The following RWDD1 variants were observed in gnomAD, a reference collection of about 807,000 sequenced individuals.
RWDD1 encodes RWD domain-containing protein 1.
In RWDD1, 17 loss-of-function variants were observed where a neutral mutation model predicts 31.6. That is an observed-to-expected ratio of 0.54 (90% CI 0.37 to 0.81). The LOEUF is 0.81. Among genes scored for constraint, RWDD1 ranks in the 30% least tolerant of loss-of-function variants. RWDD1 has a pLI of 0.00. For synonymous variants in RWDD1, 78 were observed against 94.2 expected (o/e 0.83, Z 0.99); for missense variants, 204 against 274.5 (o/e 0.74, Z 1.82).
In RWDD1 at chr6:116,595,818, T is replaced by C. The variant is rs1482992662; in HGVS notation, c.*2717T>C. ...TGTTCCTTGATCCTGCTTTACTTCA[T>C]GCACTTTTGCCAGCAGAGGTGGATG... is the stretch of plus-strand genomic sequence containing the variant. On this transcript the variant is annotated 3_prime_UTR_variant, in exon 7 of 7. Coordinates refer to ENST00000466444, the MANE Select transcript of RWDD1 (RefSeq NM_015952.4). The C allele has an allele frequency of 2.0e-5, 3 of 152,204 alleles. No homozygotes were observed. The highest frequency in any genetic ancestry group is 4.4e-5 in the Non-Finnish European group (3 of 68,024). 9.4% of individuals were successfully genotyped at this position (152,204 alleles called of 1,614,324 possible).
At chr6:116,587,657 ACT>A (rs1247948749) in intron 3 of RWDD1, among the ~76,000 whole-genome samples, 12 of 146,344 alleles carry the variant, frequency 8.2e-5, no homozygotes, top group Middle Eastern at 3.5e-3. Context: ...TCTCTCTGTG[ACT>A]CTCTCTGTGT....
chr6:116,583,967 A>G (rs1437138267), intron 2 of RWDD1, among the ~76,000 whole-genome samples: 1 of 152,218 alleles, frequency 6.6e-6, no homozygotes, highest in Middle Eastern at 3.2e-3. Context: ...ATAATATAAA[A>G]TGTGAGTTAC....
At chr6:116,576,300 T>C (rs117311705) in intron 1 of RWDD1, among the ~76,000 whole-genome samples, 224 of 152,388 alleles carry the variant, frequency 1.5e-3, no homozygotes, top group Non-Finnish European at 2.6e-3. Flanking sequence ...TTTCCACTAA[T>C]ATGGCTTCAT....
intron 2 of RWDD1, among the ~76,000 whole-genome samples, chr6:116,582,952 CTTT>C (rs56123912): frequency 1.5e-5 from 2 of 137,144 alleles, no homozygotes; most frequent in East Asian, 2.1e-4. Flanking sequence ...TTTCCATTTT[CTTT>C]TTTTTTTTTT....
intron 2 of RWDD1, among the ~76,000 whole-genome samples, chr6:116,583,778 G>A (rs1173341211): frequency 3.3e-5 from 5 of 152,118 alleles, no homozygotes; most frequent in Admixed American, 1.3e-4. Flanking sequence ...AATGCCAGAA[G>A]ATACTGTTTC....
chr6:116,571,682 G>A, intron 1 of RWDD1, 27 bp downstream of exon 1: 2 of 1,604,174 alleles, frequency 1.2e-6, no homozygotes, highest in Non-Finnish European at 1.7e-6. Context: ...CAAGCCTGTA[G>A]CCGCCCCGAG....
At chr6:116,590,792 G>GA (rs1257848995) in intron 5 of RWDD1, 96 bp from the exon 6 acceptor site, 6 of 1,454,768 alleles carry the variant, frequency 4.1e-6, no homozygotes, top group Non-Finnish European at 5.4e-6. Context: ...GAAATTCACA[G>GA]AAAAAGAGGT....
At chr6:116,588,296 G>C (rs148326978) in intron 3 of RWDD1, among the ~76,000 whole-genome samples, 185 of 152,170 alleles carry the variant, frequency 1.2e-3, no homozygotes, top group African/African-American at 4.4e-3. Flanking sequence ...TTCTTCATTG[G>C]AACCCTATCT....
chr6:116,592,125 A>G (rs892153419), intron 6 of RWDD1, among the ~76,000 whole-genome samples: 1 of 152,266 alleles, frequency 6.6e-6, no homozygotes, highest in Non-Finnish European at 1.5e-5. Flanking sequence ...AAATCCTTTG[A>G]TGGTTTCCAC....
intron 1 of RWDD1, among the ~76,000 whole-genome samples, chr6:116,573,247 T>C (rs1241466749): frequency 6.6e-6 from 1 of 152,244 alleles, no homozygotes; most frequent in Non-Finnish European, 1.5e-5. Context: ...TTTTTTGTTT[T>C]TAACCCTGAA....
rs1428724274 is a variant in RWDD1, at chr6:116,584,864, AAAT to A, written c.270+14_270+16del. The A allele has an allele frequency of 1.9e-6, 3 of 1,559,910 alleles. No homozygotes were observed. Among genetic ancestry groups the A allele is most frequent in the Non-Finnish European group, 2.6e-6 (3 of 1,133,988 alleles). ...AAAATTACTAGCATTACAGGTAAGG[AAAT>A]AATAATTTTATGTTTTGTAGCAGCA... On this transcript the variant is annotated splice_region_variant and intron_variant, in intron 3 of 6. Coordinates refer to ENST00000466444, the MANE Select transcript of RWDD1 (RefSeq NM_015952.4).
At position 116,590,904 on chromosome 6, in the gene RWDD1, A is replaced by G; in HGVS notation, c.564A>G (p.Glu188=). The G allele has an allele frequency of 1.3e-6, 2 of 1,568,836 alleles. No individual in the cohort carries two copies. The highest frequency in any genetic ancestry group is 1.7e-6 in the Non-Finnish European group (2 of 1,165,656). The change falls in exon 6 of 7, where the codon GAA becomes GAG. Residue 188 remains glutamate, a synonymous_variant. Coordinates refer to ENST00000466444, the MANE Select transcript of RWDD1 (RefSeq NM_015952.4). ...KNKLSGKQLF[E]TDHNLDTSDI... ...TTTTTTTAGGGAAACAACTATTTGA[A>G]ACAGATCATAATCTTGACACATCTG...
At position 116,593,223 on chromosome 6, in the gene RWDD1, A is replaced by G. The variant is rs142136609; in HGVS notation, c.*122A>G. 2.3e-4 allele frequency: 226 copies of G among 962,662 alleles called. 5 individuals are homozygous for G. The East Asian group carries it at 6.3e-3, about 27-fold the overall frequency. 59.6% of individuals were successfully genotyped at this position (962,662 alleles called of 1,614,324 possible). A position where few individuals can be genotyped will look rare whatever the true frequency, so the allele number is the denominator to read the frequency against. On this transcript the variant is annotated 3_prime_UTR_variant, in exon 7 of 7. Transcript: ENST00000466444. ...TTATTTTCAGGAGAATATTCTTCTG[A>G]TAGCTTTCATCATTGAACTTAATAA...
intron 1 of RWDD1, 81 bp from the exon 2 acceptor site, chr6:116,580,214 T>C: frequency 1.1e-6 from 1 of 912,442 alleles, no homozygotes; most frequent in Non-Finnish European, 1.7e-6. Flanking sequence ...TTTCTAGGAC[T>C]GGGTACTGAT....
intron 3 of RWDD1, among the ~76,000 whole-genome samples, chr6:116,587,323 C>T (rs1488279441): frequency 2.0e-5 from 3 of 152,032 alleles, no homozygotes; most frequent in Non-Finnish European, 4.4e-5. Flanking sequence ...TAGCTGAGAG[C>T]TGTAGGAAGA....
chr6:116,575,040 G>T (rs1025824710), intron 1 of RWDD1, among the ~76,000 whole-genome samples: 1 of 152,036 alleles, frequency 6.6e-6, no homozygotes, highest in African/African-American at 2.4e-5. Flanking sequence ...AAAGTGCTGG[G>T]GTTATAGGCG....
intron 2 of RWDD1, among the ~76,000 whole-genome samples, chr6:116,583,671 G>A (rs1389656484): frequency 1.3e-5 from 2 of 151,472 alleles, no homozygotes; most frequent in African/African-American, 4.9e-5. Flanking sequence ...TATTTGTCAA[G>A]TATACCTTAA....
intron 1 of RWDD1, among the ~76,000 whole-genome samples, chr6:116,576,086 T>C (rs1774834351): frequency 6.6e-6 from 1 of 152,262 alleles, no homozygotes; most frequent in African/African-American, 2.4e-5. Flanking sequence ...CAAAATCTTT[T>C]TTCTTTGCCG....
chr6:116,572,186 C>T (rs936307141), intron 1 of RWDD1, among the ~76,000 whole-genome samples: 2 of 151,520 alleles, frequency 1.3e-5, no homozygotes, highest in African/African-American at 4.9e-5. Flanking sequence ...ATCTGGCATT[C>T]AGCAGAATGC....
Sources: gnomAD v4.1 joint callset for allele counts (sites outside exome capture counted in the v4.1 genomes callset) on GRCh38, gnomAD v4.1.1 for gene constraint, MANE v1.5 for transcripts, NCBI Gene and HGNC (gene_info 2026-07-23, HGNC 2026-07-21) for gene names.